Variants in ANXA2 observed in about 807,000 individuals in gnomAD.
The protein encoded by ANXA2 is annexin II.
ANXA2 carries 28 observed loss-of-function variants against 47.3 expected under a neutral mutation model. The observed-to-expected ratio is 0.59, with a 90% confidence interval of 0.44 to 0.81. The LOEUF is 0.81. ANXA2 is among the 40% of genes least tolerant of loss of function. The probability of loss-of-function intolerance (pLI) is 0.00; values close to 1 mark genes in which losing one functional copy is unlikely to be tolerated. For synonymous variants in ANXA2, 172 were observed against 155.5 expected, an observed-to-expected ratio of 1.11 and a Z score of -0.79; for missense variants, 384 against 414.3, an observed-to-expected ratio of 0.93 and a Z score of 0.64.
chr15:60,367,357 C>G (rs1375498431), intron 3 of ANXA2, among the ~76,000 whole-genome samples: 1 of 112,094 alleles, frequency 8.9e-6, no homozygotes, highest in Non-Finnish European at 1.8e-5. Flanking sequence ...GTGAGGAGCC[C>G]CTCTGCCCGG....
intron 11 of ANXA2, among the ~76,000 whole-genome samples, chr15:60,350,653 G>A (rs547601210): frequency 2.2e-4 from 33 of 152,268 alleles, no homozygotes; most frequent in Middle Eastern, 3.4e-3. Context: ...GAGGTGGTTC[G>A]TTTAGGGAAG....
chr15:60,371,287 C>T (rs12594524), intron 3 of ANXA2, among the ~76,000 whole-genome samples: 12,359 of 152,264 alleles, frequency 0.081, 719 homozygotes, highest in East Asian at 0.21. Flanking sequence ...CAAGGGAATG[C>T]CACGGGGAGG....
intron 3 of ANXA2, among the ~76,000 whole-genome samples, chr15:60,375,644 A>G (rs12909575): frequency 0.21 from 32,004 of 152,220 alleles, 3,764 homozygotes; most frequent in Non-Finnish European, 0.25. Context: ...AACCAGACAT[A>G]AATTAAGGTA....
Position 60,351,270 on chromosome 15 carries a change from G to T in ANXA2, c.779-19C>A, listed in dbSNP as rs41308588. 3 of 1,613,688 alleles carry T rather than the reference G, an allele frequency of 1.9e-6. No homozygotes were observed. Among genetic ancestry groups the T allele is most frequent in the African/African-American group, 1.3e-5 (1 of 74,928 alleles). ...CACTGAACTGTGGAGAGAAGAAAGG[G>T]AGTCAGCGCTGCAGCTGCTCTGGTC... is the stretch of plus-strand genomic sequence containing the variant. On this transcript the variant is annotated intron_variant, in intron 10 of 12. Transcript: ENST00000451270.
In ANXA2 at chr15:60,347,582, T is replaced by C; in HGVS notation, c.*48A>G. 6.3e-7 allele frequency: 1 copy of C among 1,596,414 alleles called. No homozygotes were observed. The highest frequency in any genetic ancestry group is 2.2e-5 in the East Asian group (1 of 44,800). On this transcript the variant is annotated 3_prime_UTR_variant, in exon 13 of 13. Transcript: ENST00000451270. The stretch of plus-strand genomic sequence containing the variant: ...AAGCTGGTTTTCTAGACCTGTTAGC[T>C]GGAAGCATGGTGAGCACCATTTCTG...
At chr15:60,359,257 C>G (rs1240936938) in intron 5 of ANXA2, among the ~76,000 whole-genome samples, 1 of 152,158 alleles carries the variant, frequency 6.6e-6, no homozygotes, top group Non-Finnish European at 1.5e-5. Context: ...TCAAAAAGGT[C>G]TGTTTCAAGT....
chr15:60,379,360 AAGG>A (rs1339951840), intron 3 of ANXA2, among the ~76,000 whole-genome samples: 4 of 152,220 alleles, frequency 2.6e-5, no homozygotes, highest in African/African-American at 9.6e-5. Flanking sequence ...GGGGAAAAAA[AAGG>A]AGATGGAGAA....
At chr15:60,356,167 G>C (rs112843983) in intron 6 of ANXA2, among the ~76,000 whole-genome samples, 169 bp from the exon 7 acceptor site, 3 of 152,126 alleles carry the variant, frequency 2.0e-5, no homozygotes, top group African/African-American at 7.2e-5. Flanking sequence ...AATGATTTTC[G>C]CCCTCATGAA....
intron 4 of ANXA2, among the ~76,000 whole-genome samples, chr15:60,363,984 G>A (rs1233478187): frequency 6.6e-6 from 1 of 152,184 alleles, no homozygotes; most frequent in Non-Finnish European, 1.5e-5. Context: ...TGTTATTGTT[G>A]TTGTTCCCTA....
Position 60,352,310 on chromosome 15 carries a change from C to A in ANXA2, c.682+73G>T, listed in dbSNP as rs118053690. 2,959 of 1,026,836 alleles carry A rather than the reference C, an allele frequency of 2.9e-3. 8 individuals are homozygous for A. The highest frequency in any genetic ancestry group is 3.9e-3 in the Non-Finnish European group (2,623 of 672,432). 63.6% of individuals were successfully genotyped at this position (1,026,836 alleles called of 1,614,324 possible). ...GAACCTCATTCTGGCAGACTCCATC[C>A]CAACATGGACATCCACCCAGCCGCC... On this transcript the variant is annotated intron_variant, in intron 9 of 12. Transcript: ENST00000451270. The surrounding 1 kb of genome is among the most constrained non-coding windows in gnomAD (Gnocchi z 4.2).
intron 11 of ANXA2, among the ~76,000 whole-genome samples, chr15:60,350,366 A>T (rs1895954564): frequency 6.6e-6 from 1 of 152,066 alleles, no homozygotes; most frequent in Non-Finnish European, 1.5e-5. Flanking sequence ...ATGTAACAAG[A>T]GGTTCCTGAC....
At chr15:60,396,865 C>A (rs1331400852) in intron 1 of ANXA2, among the ~76,000 whole-genome samples, 3 of 152,222 alleles carry the variant, frequency 2.0e-5, no homozygotes, top group Non-Finnish European at 2.9e-5. Flanking sequence ...TTTACACACG[C>A]ACTCAGAACA....
At chr15:60,368,356 T>C (rs144674169) in intron 3 of ANXA2, among the ~76,000 whole-genome samples, 1 of 151,376 alleles carries the variant, frequency 6.6e-6, no homozygotes, top group East Asian at 1.9e-4. Context: ...ATAAATCCAA[T>C]TGCTGGATAT....
chr15:60,395,871 T>G (rs749059527), intron 1 of ANXA2: 2 of 152,202 alleles, frequency 1.3e-5, no homozygotes, highest in African/African-American at 4.8e-5. Flanking sequence ...ATCCTTCCAC[T>G]GCAGATGCAA....
chr15:60,390,612 C>G, intron 1 of ANXA2: 1 of 271,586 alleles, frequency 3.7e-6, no homozygotes, highest in Admixed American at 4.2e-5. Flanking sequence ...AAAATGCTGG[C>G]TGTTAAGACA....
Position 60,347,311 on chromosome 15 carries a change from A to C in ANXA2, c.*319T>G. 1 of 376,332 alleles carries C rather than the reference A, an allele frequency of 2.7e-6. No individual in the cohort carries two copies. Among genetic ancestry groups the C allele is most frequent in the South Asian group, 4.1e-5 (1 of 24,688 alleles). The allele number at this position is 376,332 out of a possible 1,614,324, so 23.3% of individuals were successfully genotyped here. ...TTAATTTTCAAACAATTCAGTTGAA[A>C]GCAGGGCCACAAAGTACGTGTTTCT... On this transcript the variant is annotated 3_prime_UTR_variant, in exon 13 of 13. Coordinates refer to ENST00000451270, the MANE Select transcript of ANXA2 (RefSeq NM_004039.3).
chr15:60,369,556 A>G (rs367644830), intron 3 of ANXA2, among the ~76,000 whole-genome samples: 2 of 152,248 alleles, frequency 1.3e-5, no homozygotes, highest in East Asian at 3.8e-4. Context: ...AAACAAATGC[A>G]AAGTCTGTGT....
intron 1 of ANXA2, 91 bp downstream of exon 1, chr15:60,397,852 C>T: frequency 1.4e-6 from 2 of 1,389,682 alleles, no homozygotes; most frequent in Admixed American, 3.0e-5. Context: ...GTTGCCGGGG[C>T]CTCCCTGCCA....
Position 60,397,985 on chromosome 15 carries a change from G to A in ANXA2, c.-54C>T. The stretch of plus-strand genomic sequence containing the variant: ...AGCTGAGAGCGTCCCCAAATGCTGA[G>A]CAGAGCCGGCTGGCCTGGGTGGGGC... On this transcript the variant is annotated 5_prime_UTR_variant, in exon 1 of 13. Coordinates refer to ENST00000451270, the MANE Select transcript of ANXA2 (RefSeq NM_004039.3). 3.3e-6 allele frequency: 4 copies of A among 1,215,142 alleles called. No homozygotes were observed. Among genetic ancestry groups the A allele is most frequent in the Non-Finnish European group, 4.2e-6 (4 of 963,288 alleles). 75.3% of individuals were successfully genotyped at this position (1,215,142 alleles called of 1,614,324 possible).
Sources: gnomAD v4.1 joint callset for allele counts (sites outside exome capture counted in the v4.1 genomes callset) on GRCh38, gnomAD v4.1.1 for gene constraint, Gnocchi (gnomAD v3.1) non-coding constraint, MANE v1.5 for transcripts, NCBI Gene and HGNC (gene_info 2026-07-23, HGNC 2026-07-21) for gene names.